Variants in NAALAD2 observed in about 807,000 individuals in gnomAD.
The protein encoded by NAALAD2 is N-acetylated alpha-linked acidic dipeptidase 2.
Under a neutral mutation model 95.6 loss-of-function variants are expected in NAALAD2, and 89 were observed. That is an observed-to-expected ratio of 0.93 (90% CI 0.78 to 1.11). NAALAD2 has a LOEUF of 1.11. Among genes scored for constraint, NAALAD2 ranks in the 50% least tolerant of loss-of-function variants. The pLI, the probability that NAALAD2 is intolerant of heterozygous loss-of-function variation, is 0.00. For missense variants in NAALAD2, 894 were observed against 872.4 expected, an observed-to-expected ratio of 1.02 and a Z score of -0.31; for synonymous variants, 264 against 294.4, an observed-to-expected ratio of 0.90 and a Z score of 1.06.
At chr11:90,152,211 C>G (rs577725099) in intron 5 of NAALAD2, 87 bp from the exon 6 acceptor site, 1 of 1,238,530 alleles carries the variant, frequency 8.1e-7, no homozygotes, top group Non-Finnish European at 1.1e-6. Context: ...TCTAAATATC[C>G]TTCCATTATT....
chr11:90,150,533 GAA>G lies in NAALAD2; in HGVS notation c.537_538del (p.Glu181AspfsTer22). On this transcript the variant is annotated frameshift_variant, in exon 5 of 19. Transcript: ENST00000534061. LOFTEE classifies it high-confidence loss of function. The stretch of plus-strand genomic sequence containing the variant: ...TCGCACTGAAGACTTTTTCAAACTA[GAA>G]AGAGAGATGGGCATCAACTGTACTG... ...YARTEDFFKL[E>X]REMGINCTGK... 1 of 1,611,270 alleles carries G rather than the reference GAA, an allele frequency of 6.2e-7. No homozygotes were observed. Among genetic ancestry groups the G allele is most frequent in the Non-Finnish European group, 8.5e-7 (1 of 1,178,268 alleles).
At chr11:90,154,837 A>AATAT (rs1951990581) in intron 6 of NAALAD2, among the ~76,000 whole-genome samples, 2 of 146,682 alleles carry the variant, frequency 1.4e-5, no homozygotes, top group African/African-American at 5.0e-5. Flanking sequence ...AATGTTACAT[A>AATAT]GTATATACGT....
intron 17 of NAALAD2, among the ~76,000 whole-genome samples, chr11:90,182,136 C>T (rs1952990644): frequency 6.6e-6 from 1 of 152,062 alleles, no homozygotes; most frequent in South Asian, 2.1e-4. Context: ...TTGTTCAGTA[C>T]TCCTGTGTAC....
At chr11:90,140,137 A>G (rs534565574) in intron 2 of NAALAD2, among the ~76,000 whole-genome samples, 2 of 152,310 alleles carry the variant, frequency 1.3e-5, no homozygotes, top group Admixed American at 6.5e-5. Context: ...ATGATTAGGG[A>G]GATGATTAAT....
chr11:90,134,512 G>A, upstream of NAALAD2: 3 of 510,706 alleles, frequency 5.9e-6, no homozygotes, highest in Non-Finnish European at 1.1e-5. Flanking sequence ...GGGTTACTGC[G>A]GGATCCACAG....
At chr11:90,189,432 T>G (rs931935350) in intron 18 of NAALAD2, among the ~76,000 whole-genome samples, 1 of 152,210 alleles carries the variant, frequency 6.6e-6, no homozygotes, top group African/African-American at 2.4e-5. Flanking sequence ...TGAAATACTG[T>G]AAAAGTCTTT....
intron 1 of NAALAD2, 109 bp downstream of exon 1, chr11:90,134,949 C>A: frequency 1.6e-6 from 2 of 1,220,742 alleles, no homozygotes; most frequent in Non-Finnish European, 1.2e-6. Context: ...TAGCCCTGGC[C>A]GGCTGGGCTA....
chr11:90,159,744 A>G (rs1952232551), intron 8 of NAALAD2, among the ~76,000 whole-genome samples: 1 of 152,026 alleles, frequency 6.6e-6, no homozygotes, highest in South Asian at 2.1e-4. Flanking sequence ...TGAGGTTGGG[A>G]GTTCAAGACC....
intron 3 of NAALAD2, 132 bp downstream of exon 3, chr11:90,147,648 T>A: frequency 1.2e-6 from 1 of 811,834 alleles, no homozygotes; most frequent in Non-Finnish European, 1.9e-6. Context: ...TTCGACATGG[T>A]GTTAAGTCCT....
chr11:90,167,124 G>A (rs1952479976), intron 11 of NAALAD2, among the ~76,000 whole-genome samples: 1 of 152,210 alleles, frequency 6.6e-6, no homozygotes, highest in Admixed American at 6.5e-5. Flanking sequence ...CCGCTGCACT[G>A]TGGGAGCCCC....
intron 5 of NAALAD2, among the ~76,000 whole-genome samples, chr11:90,151,600 G>T (rs1259022630): frequency 6.6e-6 from 1 of 152,106 alleles, no homozygotes; most frequent in Non-Finnish European, 1.5e-5. Flanking sequence ...CCTTCAAAAA[G>T]TTGTGACAGA....
rs1028920226 is a variant in NAALAD2, at chr11:90,177,961, C to T, written c.1702C>T (p.Gln568Ter). ...PTFKKQLSVA[Q>*]LRGALVYELV... is the part of the protein sequence containing the mutation. ...ATTTAAAAAACAACTTTCTGTGGCTCAATTACGAGGAGCACTGGTATATGA... is the reference window on the plus strand; with the variant it reads ...ATTTAAAAAACAACTTTCTGTGGCTTAATTACGAGGAGCACTGGTATATGA... The change falls in exon 16 of 19, where the codon CAA becomes TAA. Residue 568 changes from glutamine to a stop codon, truncating the protein, a stop_gained. Transcript: ENST00000534061. LOFTEE classifies it high-confidence loss of function. 2.5e-6 allele frequency: 4 copies of T among 1,613,748 alleles called. No homozygotes were observed. The East Asian group carries it at 8.9e-5, about 36-fold the overall frequency.
At chr11:90,155,354 AC>A (rs1451507796) in intron 6 of NAALAD2, among the ~76,000 whole-genome samples, 2,898 of 105,774 alleles carry the variant, frequency 0.027, 84 homozygotes, top group East Asian at 0.077. Flanking sequence ...ATTATATATT[AC>A]ATGTATAATA....
At chr11:90,174,420 A>G (rs1044590880) in intron 14 of NAALAD2, among the ~76,000 whole-genome samples, 12 of 152,160 alleles carry the variant, frequency 7.9e-5, no homozygotes, top group African/African-American at 2.9e-4. Context: ...TTAGAGCACA[A>G]ATAGATCTAG....
intron 18 of NAALAD2, among the ~76,000 whole-genome samples, chr11:90,185,579 A>T (rs1231928133): frequency 6.6e-6 from 1 of 152,032 alleles, no homozygotes; most frequent in Non-Finnish European, 1.5e-5. Flanking sequence ...AGGCAGGGGG[A>T]TTGCTTGAAC....
chr11:90,175,216 G>C (rs1952753694), intron 14 of NAALAD2, among the ~76,000 whole-genome samples: 1 of 151,918 alleles, frequency 6.6e-6, no homozygotes, highest in South Asian at 2.1e-4. Flanking sequence ...TTTGAATGTG[G>C]GTCCATTATA....
At chr11:90,169,584 G>C (rs912626232) in intron 12 of NAALAD2, 1 of 154,160 alleles carries the variant, frequency 6.5e-6, no homozygotes, top group African/African-American at 2.4e-5. Context: ...TTTCTGATTA[G>C]CACTACTATG....
intron 6 of NAALAD2, among the ~76,000 whole-genome samples, chr11:90,157,134 T>A (rs1952138733): frequency 6.6e-6 from 1 of 152,206 alleles, no homozygotes; most frequent in Non-Finnish European, 1.5e-5. Flanking sequence ...AAGTCTTATA[T>A]ACTTACTGAT....
At chr11:90,181,803 C>G in intron 17 of NAALAD2, 102 bp downstream of exon 17, 1 of 744,462 alleles carries the variant, frequency 1.3e-6, no homozygotes, top group Non-Finnish European at 2.2e-6. Context: ...TAAATCACTA[C>G]TATTCAAATT....
Sources: gnomAD v4.1 joint callset for allele counts (sites outside exome capture counted in the v4.1 genomes callset) on GRCh38, gnomAD v4.1.1 for gene constraint, MANE v1.5 for transcripts, NCBI Gene and HGNC (gene_info 2026-07-23, HGNC 2026-07-21) for gene names.